Variants in A2M observed in about 807,000 individuals in gnomAD.
The protein encoded by A2M is C3 and PZP-like alpha-2-macroglobulin domain-containing protein 5.
A neutral mutation model predicts 183.9 loss-of-function variants in A2M; 128 were observed. The ratio of observed to expected loss-of-function variants is 0.70; its 90% CI spans 0.60 to 0.81. A2M has a LOEUF of 0.81. A2M is among the 30% of genes least tolerant of loss of function. A2M has a pLI of 0.00. For synonymous variants in A2M, 592 were observed against 670.8 expected (o/e 0.88, Z 1.81); for missense variants, 1,495 against 1,787.6 (o/e 0.84, Z 2.95).
chr12:9,077,695 A>G lies in A2M; in HGVS notation c.3276+6T>C. On this transcript the variant is annotated splice_donor_region_variant and intron_variant, in intron 26 of 35. Coordinates refer to ENST00000318602, the MANE Select transcript of A2M (RefSeq NM_000014.6). ...ACAAATCAAAACTAGCTCCAGAATGATTCACCTTTATGGCATTGTTGAGCA... is the reference window on the plus strand; with the variant it reads ...ACAAATCAAAACTAGCTCCAGAATGGTTCACCTTTATGGCATTGTTGAGCA... 1 of 1,613,458 alleles carries G rather than the reference A, an allele frequency of 6.2e-7. No individual in the cohort carries two copies. The highest frequency in any genetic ancestry group is 1.7e-4 in the Middle Eastern group (1 of 6,050).
intron 16 of A2M, 125 bp downstream of exon 16, chr12:9,095,414 C>G: frequency 1.1e-6 from 1 of 894,718 alleles, no homozygotes; most frequent in Non-Finnish European, 1.7e-6. Context: ...AGTAGAGAAG[C>G]CACTTACCTC....
At chr12:9,113,260 A>C in intron 2 of A2M, 100 bp downstream of exon 2, 1 of 1,268,874 alleles carries the variant, frequency 7.9e-7, no homozygotes, top group Non-Finnish European at 1.1e-6. Flanking sequence ...TCCTTCCTGC[A>C]GTTCTTACCA....
intron 25 of A2M, 141 bp from the exon 26 acceptor site, chr12:9,077,998 T>G: frequency 1.1e-6 from 1 of 951,790 alleles, no homozygotes; most frequent in Non-Finnish European, 1.6e-6. Context: ...GATTAATCTT[T>G]AGTCTGCCTG....
chr12:9,104,135 T>C, intron 11 of A2M, 104 bp downstream of exon 11: 1 of 1,167,604 alleles, frequency 8.6e-7, no homozygotes, highest in Non-Finnish European at 1.2e-6. Flanking sequence ...CTAGTTTTTT[T>C]CTCTCCATAG....
intron 22 of A2M, among the ~76,000 whole-genome samples, chr12:9,088,814 T>C (rs945721977): frequency 3.9e-5 from 6 of 152,342 alleles, no homozygotes; most frequent in African/African-American, 1.4e-4. Flanking sequence ...TATCAAATAC[T>C]GTTGGCTATG....
chr12:9,088,176 A>G (rs1226099092), intron 22 of A2M, among the ~76,000 whole-genome samples: 1 of 152,056 alleles, frequency 6.6e-6, no homozygotes, highest in East Asian at 1.9e-4. Flanking sequence ...ATCTACACAC[A>G]TTATTTCTAA....
intron 1 of A2M, among the ~76,000 whole-genome samples, chr12:9,113,783 A>T (rs1037048764): frequency 6.6e-6 from 1 of 152,220 alleles, no homozygotes; most frequent in East Asian, 1.9e-4. Flanking sequence ...ACTTGTAGGC[A>T]TGCTTCACTT....
At chr12:9,097,054 A>G (rs113436367) in intron 15 of A2M, among the ~76,000 whole-genome samples, 103 of 152,324 alleles carry the variant, frequency 6.8e-4, no homozygotes, top group African/African-American at 2.3e-3. Flanking sequence ...CTTCTGCTTT[A>G]TTATTAATAA....
chr12:9,073,144 T>C (rs1430189422), intron 29 of A2M, among the ~76,000 whole-genome samples: 1 of 152,230 alleles, frequency 6.6e-6, no homozygotes, highest in Non-Finnish European at 1.5e-5. Context: ...GGACATGGAA[T>C]GTGGAAAACA....
intron 10 of A2M, among the ~76,000 whole-genome samples, chr12:9,105,341 G>A (rs757043735): frequency 1.6e-4 from 25 of 152,296 alleles, no homozygotes; most frequent in African/African-American, 6.0e-4. Flanking sequence ...GCAATAAAAT[G>A]TACTTACAAA....
At chr12:9,091,651 C>T (rs1203553733) in intron 18 of A2M, among the ~76,000 whole-genome samples, 6 of 152,144 alleles carry the variant, frequency 3.9e-5, no homozygotes, top group Non-Finnish European at 8.8e-5. Flanking sequence ...CTTTTACAGA[C>T]AATATAGTTA....
At chr12:9,115,503 A>G in intron 1 of A2M, 2 of 361,306 alleles carry the variant, frequency 5.5e-6, no homozygotes, top group South Asian at 6.0e-5. Flanking sequence ...GAATGTGAAT[A>G]TCTAAAATTT....
intron 18 of A2M, among the ~76,000 whole-genome samples, chr12:9,091,675 C>T (rs1201422057): frequency 2.6e-5 from 4 of 152,078 alleles, no homozygotes; most frequent in African/African-American, 4.8e-5. Flanking sequence ...ATTTAACATG[C>T]AGTTTGAGAT....
chr12:9,114,057 A>G (rs1938943136), intron 1 of A2M, among the ~76,000 whole-genome samples: 1 of 152,198 alleles, frequency 6.6e-6, no homozygotes, highest in Non-Finnish European at 1.5e-5. Flanking sequence ...CTGAGCCTCA[A>G]AGAAAGTGAG....
rs759883074 is a variant in A2M, at chr12:9,112,494, C to G, written c.313G>C (p.Val105Leu). Residue 105 changes from valine (V) to leucine (L), a missense_variant, in exon 3 of 36, where the codon GTC becomes CTC. Physicochemically the swap from Val to Leu is conservative, Grantham distance 32. Coordinates refer to ENST00000318602, the MANE Select transcript of A2M (RefSeq NM_000014.6). ...TCTTGGGTTGGTCCTTTCACTTGGACAGTGAGGAACATTACCTCCTCATTG... is the reference window on the plus strand; with the variant it reads ...TCTTGGGTTGGTCCTTTCACTTGGAGAGTGAGGAACATTACCTCCTCATTG... ...SSNEEVMFLT[V>L]QVKGPTQEFK... 23 of 1,613,776 alleles carry G rather than the reference C, an allele frequency of 1.4e-5. No individual in the cohort carries two copies. The South Asian group carries it at 2.2e-4, about 15-fold the overall frequency.
At position 9,095,068 on chromosome 12, in the gene A2M, G is replaced by C; in HGVS notation, c.2030C>G (p.Ala677Gly). 1 of 1,583,022 alleles carries C rather than the reference G, an allele frequency of 6.3e-7. No individual in the cohort carries two copies. The highest frequency in any genetic ancestry group is 8.6e-7 in the Non-Finnish European group (1 of 1,161,956). ...TTTACGAATCTTTGAGTTGGTGAAT[G>C]CCTTTAAGCCCATGTCCTGCAAAGA... is the stretch of plus-strand genomic sequence containing the variant. Reference protein sequence around the residue: ...YSFLEDMGLKAFTNSKIRKPK... With the variant: ...YSFLEDMGLKGFTNSKIRKPK... Residue 677 changes from alanine to glycine, a missense_variant, in exon 17 of 36, where the codon GCA (alanine) becomes GGA (glycine). Physicochemically the swap from Ala to Gly is moderately conservative, Grantham distance 60. Coordinates refer to ENST00000318602, the MANE Select transcript of A2M (RefSeq NM_000014.6).
chr12:9,115,114 T>C (rs1237706213), intron 1 of A2M: 2 of 63,928 alleles, frequency 3.1e-5, no homozygotes, highest in Non-Finnish European at 6.9e-5. Context: ...AATTGCATCA[T>C]TGTTACCACT....
intron 31 of A2M, among the ~76,000 whole-genome samples, chr12:9,071,628 G>A (rs1331286933): frequency 1.3e-5 from 2 of 152,000 alleles, no homozygotes; most frequent in African/African-American, 4.8e-5. Flanking sequence ...GGTGTCTGTT[G>A]TTCTCCTTTT....
chr12:9,079,124 T>C, intron 25 of A2M, 120 bp downstream of exon 25: 1 of 720,166 alleles, frequency 1.4e-6, no homozygotes, highest in Non-Finnish European at 2.3e-6. Context: ...ATTTATCTAG[T>C]ATAACAAACC....
Sources: allele counts gnomAD v4.1 joint callset (sites outside exome capture counted in the v4.1 genomes callset), GRCh38; gene constraint gnomAD v4.1.1; transcripts MANE v1.5; gene names NCBI Gene and HGNC (gene_info 2026-07-23, HGNC 2026-07-21).